NALF1: variants seen among roughly 807,000 people sequenced by gnomAD.
The protein encoded by NALF1 is NALCN channel auxiliary factor 1, also known as family with sequence similarity 155 member A.
Under a neutral mutation model 48.4 loss-of-function variants are expected in NALF1, and 3 were observed. The observed-to-expected ratio is 0.06, with a 90% CI of 0.03 to 0.16. The LOEUF is 0.16. Among genes scored for constraint, NALF1 ranks in the 10% least tolerant of loss-of-function variants. NALF1 has a pLI of 1.00. For missense variants in NALF1, 526 were observed against 571.5 expected, an observed-to-expected ratio of 0.92 and a Z score of 0.81; for synonymous variants, 262 against 245.7, an observed-to-expected ratio of 1.07 and a Z score of -0.62.
intron 1 of NALF1, among the ~76,000 whole-genome samples, chr13:107,798,951 T>G (rs1349498142): frequency 1.3e-5 from 2 of 152,244 alleles, no homozygotes; most frequent in Non-Finnish European, 2.9e-5. Context: ...ATGTTTTCTC[T>G]TTTAAGCTCA....
chr13:107,316,577 A>G (rs2138909414), intron 1 of NALF1, among the ~76,000 whole-genome samples: 1 of 152,244 alleles, frequency 6.6e-6, no homozygotes, highest in Non-Finnish European at 1.5e-5. Context: ...CTGACTTTTT[A>G]ATGATGGCCA....
intron 1 of NALF1, among the ~76,000 whole-genome samples, chr13:107,461,647 T>C (rs1018454560): frequency 2.0e-5 from 3 of 152,230 alleles, no homozygotes. Flanking sequence ...TTTTGAATTA[T>C]GCTAGCAAAT....
chr13:107,762,797 A>T (rs1877304697), intron 1 of NALF1, among the ~76,000 whole-genome samples: 1 of 152,224 alleles, frequency 6.6e-6, no homozygotes, highest in Admixed American at 6.5e-5. Context: ...ACATTTAACA[A>T]TGGTTAGGTG....
chr13:107,609,879 C>T (rs557882225), intron 1 of NALF1, among the ~76,000 whole-genome samples: 4 of 152,180 alleles, frequency 2.6e-5, no homozygotes, highest in African/African-American at 9.6e-5. Context: ...CAGGCATATA[C>T]ATATGTGTGT....
At chr13:107,679,861 C>CA (rs1443697665) in intron 1 of NALF1, among the ~76,000 whole-genome samples, 1 of 152,222 alleles carries the variant, frequency 6.6e-6, no homozygotes, top group South Asian at 2.1e-4. Flanking sequence ...CTTAAAGCCT[C>CA]AAAGCTCTGC....
chr13:107,182,642 C>T (rs1428925994), intron 2 of NALF1, among the ~76,000 whole-genome samples: 2 of 152,066 alleles, frequency 1.3e-5, no homozygotes, highest in African/African-American at 4.8e-5. Context: ...TCTATTAGAA[C>T]TTATCCTTTA....
chr13:107,727,947 C>G (rs1368845239), intron 1 of NALF1, among the ~76,000 whole-genome samples: 1 of 152,200 alleles, frequency 6.6e-6, no homozygotes, highest in Admixed American at 6.5e-5. Flanking sequence ...CTCATCATCA[C>G]TGGTCATTAG....
intron 1 of NALF1, among the ~76,000 whole-genome samples, chr13:107,383,216 GTGAT>G (rs1883471753): frequency 6.6e-6 from 1 of 152,204 alleles, no homozygotes; most frequent in Non-Finnish European, 1.5e-5. Context: ...AAGGTATTAT[GTGAT>G]TGATTATTGT....
intron 1 of NALF1, among the ~76,000 whole-genome samples, chr13:107,606,204 G>A (rs1566412094): frequency 6.6e-6 from 1 of 151,720 alleles, no homozygotes; most frequent in Non-Finnish European, 1.5e-5. Context: ...GGTAGTAGAA[G>A]TGGATCTGCT....
chr13:107,202,208 C>G (rs1228793308), intron 2 of NALF1, among the ~76,000 whole-genome samples: 1 of 151,854 alleles, frequency 6.6e-6, no homozygotes, highest in Non-Finnish European at 1.5e-5. Flanking sequence ...AACTTTAAAA[C>G]TAATTTTAAA....
At chr13:107,390,278 G>T (rs1440683029) in intron 1 of NALF1, among the ~76,000 whole-genome samples, 2 of 151,870 alleles carry the variant, frequency 1.3e-5, no homozygotes, top group African/African-American at 2.4e-5. Flanking sequence ...CCGGGAGGTG[G>T]AGGTTATAGT....
chr13:107,475,550 G>A (rs1885165655), intron 1 of NALF1, among the ~76,000 whole-genome samples: 2 of 152,144 alleles, frequency 1.3e-5, no homozygotes, highest in Admixed American at 1.3e-4. Context: ...TGAATTAAAT[G>A]AGGGAGGATG....
chr13:107,660,884 T>C (rs1314506090), intron 1 of NALF1, among the ~76,000 whole-genome samples: 3 of 152,124 alleles, frequency 2.0e-5, no homozygotes, highest in Admixed American at 2.0e-4. Flanking sequence ...AGATGTGGTG[T>C]GTAGGAAATC....
chr13:107,693,773 TACACACTGA>T (rs1477125461), intron 1 of NALF1, among the ~76,000 whole-genome samples: 8 of 152,116 alleles, frequency 5.3e-5, no homozygotes, highest in African/African-American at 1.9e-4. Flanking sequence ...GTCATAAATG[TACACACTGA>T]ACAGAAGACA....
chr13:107,553,992 G>A (rs904433425), intron 1 of NALF1, among the ~76,000 whole-genome samples: 1 of 152,176 alleles, frequency 6.6e-6, no homozygotes, highest in South Asian at 2.1e-4. Flanking sequence ...CACTGTCCCC[G>A]CTTACTTCAT....
At chr13:107,373,507 T>G (rs1221969043) in intron 1 of NALF1, among the ~76,000 whole-genome samples, 1 of 152,188 alleles carries the variant, frequency 6.6e-6, no homozygotes. Flanking sequence ...TGCCTTGCTC[T>G]GTCCCTCCTA....
intron 1 of NALF1, among the ~76,000 whole-genome samples, chr13:107,771,160 G>C (rs994934592): frequency 6.6e-6 from 1 of 152,016 alleles, no homozygotes; most frequent in Non-Finnish European, 1.5e-5. Context: ...TTACCAAAAT[G>C]TAAAATTAAC....
chr13:107,774,727 T>C (rs949878374), intron 1 of NALF1, among the ~76,000 whole-genome samples: 1 of 152,158 alleles, frequency 6.6e-6, no homozygotes, highest in Non-Finnish European at 1.5e-5. Flanking sequence ...GTGGAGAAAA[T>C]AGCTCTTTTT....
At chr13:107,309,181 G>C (rs1881997848) in intron 1 of NALF1, among the ~76,000 whole-genome samples, 1 of 152,148 alleles carries the variant, frequency 6.6e-6, no homozygotes, top group African/African-American at 2.4e-5. Flanking sequence ...CTCAAAAAAT[G>C]TTGATGGATG....
Sources: allele counts gnomAD v4.1 joint callset (sites outside exome capture counted in the v4.1 genomes callset), GRCh38; gene constraint gnomAD v4.1.1; transcripts MANE v1.5; gene names NCBI Gene and HGNC (gene_info 2026-07-23, HGNC 2026-07-21).